Variants in CDH8 observed in about 807,000 individuals in gnomAD.
CDH8 encodes the protein cadherin 8.
CDH8 carries 17 observed loss-of-function variants against 68.1 expected under a neutral mutation model. That is an observed-to-expected ratio of 0.25 (90% CI 0.17 to 0.37). The LOEUF (loss-of-function observed/expected upper bound fraction) is 0.37. Among genes scored for constraint, CDH8 ranks in the 10% least tolerant of loss-of-function variants. The pLI, the probability that CDH8 is intolerant of heterozygous loss-of-function variation, is 1.00. For synonymous variants in CDH8, 372 were observed against 365.1 expected (o/e 1.02, Z -0.21); for missense variants, 763 against 999.3 (o/e 0.76, Z 3.19).
intron 1 of CDH8, among the ~76,000 whole-genome samples, chr16:62,025,494 G>A (rs1203248575): frequency 2.0e-5 from 3 of 152,086 alleles, no homozygotes; most frequent in Non-Finnish European, 4.4e-5. Flanking sequence ...TTCTAGGGGT[G>A]AGATGGCCAA....
chr16:61,782,334 A>T (rs1472416303), intron 8 of CDH8, among the ~76,000 whole-genome samples: 2 of 152,132 alleles, frequency 1.3e-5, no homozygotes, highest in Non-Finnish European at 2.9e-5. Flanking sequence ...TGACGGACGC[A>T]CCTGGAAAAT....
intron 8 of CDH8, among the ~76,000 whole-genome samples, chr16:61,741,965 C>T (rs1959884929): frequency 6.6e-6 from 1 of 152,078 alleles, no homozygotes; most frequent in South Asian, 2.1e-4. Flanking sequence ...AGAGAATTGA[C>T]ATTTTACATT....
chr16:61,817,746 A>G lies in CDH8; in HGVS notation c.1024-14T>C, dbSNP rs775154128. ...AAAGTCCAGAGGCTGTTAAGAAATG[A>G]CAAAGATAAATGCTTCTCACTAATG... On this transcript the variant is annotated splice_polypyrimidine_tract_variant and intron_variant, in intron 6 of 11. Transcript: ENST00000577390. 6.5e-7 allele frequency: 1 copy of G among 1,541,474 alleles called. No homozygotes were observed. The highest frequency in any genetic ancestry group is 8.7e-7 in the Non-Finnish European group (1 of 1,147,908).
In CDH8 at chr16:61,687,694, C is replaced by T. The variant is rs145654158; in HGVS notation, c.1654+26147G>A. 1.8e-3 allele frequency among the ~76,000 whole-genome samples: 275 copies of T among 152,078 alleles called. 2 individuals carry two copies. The highest frequency in any genetic ancestry group is 0.017 in the Admixed American group (264 of 15,244). ...TTGTGCTTTCTGGAGTCAGACTTTT[C>T]GGGTTTAAATCTGGTTTTCCATCTA... On this transcript the variant is annotated intron_variant, in intron 10 of 11. Coordinates refer to ENST00000577390, the MANE Select transcript of CDH8 (RefSeq NM_001796.5).
chr16:61,928,608 G>C (rs1269614412), intron 2 of CDH8, among the ~76,000 whole-genome samples: 2 of 152,106 alleles, frequency 1.3e-5, no homozygotes, highest in Admixed American at 6.6e-5. Flanking sequence ...CTGTACTAAT[G>C]CTCCCACTAA....
rs892206934 is a variant in CDH8, at chr16:61,695,820, G to GT, written c.1654+18020dup. ...AGTAAAGATGGATACAGTTTTTAGA[G>GT]TTTTTTTAACTGATTTATGATAACC... On this transcript the variant is annotated intron_variant, in intron 10 of 11. Transcript: ENST00000577390. Among the ~76,000 whole-genome samples the GT allele has an allele frequency of 6.2e-4, 94 of 152,234 alleles. 1 individual carries two copies. Among genetic ancestry groups the GT allele is most frequent in the African/African-American group, 2.0e-3 (85 of 41,538 alleles).
chr16:61,812,944 T>C (rs901613168), intron 7 of CDH8, among the ~76,000 whole-genome samples: 1 of 152,196 alleles, frequency 6.6e-6, no homozygotes, highest in Non-Finnish European at 1.5e-5. Flanking sequence ...TTGGTGTCAT[T>C]TGTAAGAATT....
At chr16:61,992,077 T>TGTGTGTGTGTGTGTGTGTGTGAGAGA (rs34925928) in intron 2 of CDH8, among the ~76,000 whole-genome samples, 4 of 144,124 alleles carry the variant, frequency 2.8e-5, no homozygotes, top group African/African-American at 7.8e-5. Context: ...TGTGTGTGTG[T>TGTGTGTGTGTGTGTGTGTGTGAGAGA]GAGAGAGAGA....
At chr16:62,031,626 C>A (rs933824447) in intron 1 of CDH8, among the ~76,000 whole-genome samples, 1 of 151,648 alleles carries the variant, frequency 6.6e-6, no homozygotes, top group East Asian at 1.9e-4. Flanking sequence ...TACAGAAAAT[C>A]ACATCTATAT....
intron 4 of CDH8, among the ~76,000 whole-genome samples, chr16:61,850,598 C>T (rs1424025861): frequency 6.6e-6 from 1 of 151,984 alleles, no homozygotes. Flanking sequence ...TCTTCTAATA[C>T]CATTGAGAAA....
At chr16:61,939,192 G>T (rs1964674144) in intron 2 of CDH8, among the ~76,000 whole-genome samples, 1 of 152,066 alleles carries the variant, frequency 6.6e-6, no homozygotes, top group Non-Finnish European at 1.5e-5. Context: ...GATGAAGACG[G>T]ATAACAAATA....
intron 7 of CDH8, among the ~76,000 whole-genome samples, chr16:61,790,290 CAAAG>C (rs1184269087): frequency 1.3e-5 from 2 of 151,904 alleles, no homozygotes; most frequent in African/African-American, 4.8e-5. Context: ...AGTATCAAGA[CAAAG>C]AAAAGAAATT....
chr16:61,920,471 G>A (rs1471309320), intron 2 of CDH8, among the ~76,000 whole-genome samples: 5 of 146,862 alleles, frequency 3.4e-5, no homozygotes, highest in Admixed American at 2.7e-4. Flanking sequence ...CTCAAAAGAA[G>A]ACATTTATGC....
chr16:61,956,926 T>C (rs1377584940), intron 2 of CDH8, among the ~76,000 whole-genome samples: 1 of 152,188 alleles, frequency 6.6e-6, no homozygotes, highest in African/African-American at 2.4e-5. Context: ...TCCATATTCC[T>C]AGGTCAGTCC....
chr16:61,859,021 A>G (rs1963102704), intron 3 of CDH8, among the ~76,000 whole-genome samples: 1 of 152,206 alleles, frequency 6.6e-6, no homozygotes, highest in Admixed American at 6.5e-5. Flanking sequence ...GTCCGTCAAT[A>G]TCTTTTGGAA....
intron 2 of CDH8, among the ~76,000 whole-genome samples, chr16:61,925,642 T>C (rs1476456671): frequency 6.6e-6 from 1 of 152,170 alleles, no homozygotes; most frequent in East Asian, 1.9e-4. Flanking sequence ...CACTCCACAC[T>C]CATTTCAAAG....
chr16:61,845,951 G>A (rs752349370), intron 4 of CDH8, among the ~76,000 whole-genome samples: 1 of 151,964 alleles, frequency 6.6e-6, no homozygotes. Flanking sequence ...TTTTCTAATT[G>A]CAAGGGGAAA....
chr16:61,689,363 T>C (rs532693841), intron 10 of CDH8, among the ~76,000 whole-genome samples: 21 of 151,954 alleles, frequency 1.4e-4, no homozygotes, highest in African/African-American at 3.9e-4. Context: ...TAAAATGAGA[T>C]AAGATGCTTA....
chr16:61,810,085 C>T (rs1018077417), intron 7 of CDH8, among the ~76,000 whole-genome samples: 1 of 152,172 alleles, frequency 6.6e-6, no homozygotes, highest in Admixed American at 6.5e-5. Flanking sequence ...TAGGAAGATA[C>T]AATTGTGAGC....
Sources: allele counts gnomAD v4.1 joint callset (sites outside exome capture counted in the v4.1 genomes callset), GRCh38; gene constraint gnomAD v4.1.1; transcripts MANE v1.5; gene names NCBI Gene and HGNC (gene_info 2026-07-23, HGNC 2026-07-21).